GOLGA1: variants seen among roughly 807,000 people sequenced by gnomAD.
The protein encoded by GOLGA1 is golgin subfamily A member 1.
A neutral mutation model predicts 119.7 loss-of-function variants in GOLGA1; 63 were observed. The observed-to-expected ratio is 0.53, with a 90% CI of 0.43 to 0.65. GOLGA1 has a LOEUF of 0.65. Among genes scored for constraint, GOLGA1 ranks in the 30% least tolerant of loss-of-function variants. The pLI is 0.00. For missense variants in GOLGA1, 798 were observed against 912.8 expected (o/e 0.87, Z 1.62); for synonymous variants, 318 against 333.4 (o/e 0.95, Z 0.50).
intron 17 of GOLGA1, 54 bp downstream of exon 17, chr9:124,889,380 C>A: frequency 1.3e-6 from 2 of 1,594,614 alleles, no homozygotes; most frequent in Non-Finnish European, 1.7e-6. Flanking sequence ...CGTCACAAGG[C>A]AGGATGCTGG....
At chr9:124,900,282 T>C in intron 13 of GOLGA1, 170 bp downstream of exon 13, 2 of 495,864 alleles carry the variant, frequency 4.0e-6, no homozygotes. Flanking sequence ...CATTAGGTCC[T>C]GACTCCCTCC....
intron 1 of GOLGA1, chr9:124,947,583 T>A (rs973767920): frequency 5.3e-5 from 8 of 152,124 alleles, no homozygotes; most frequent in Non-Finnish European, 1.0e-4. Flanking sequence ...CCACAATGGG[T>A]ATGGGTACAT....
chr9:124,943,310 G>C (rs1337695036), upstream of GOLGA1: 1 of 152,122 alleles, frequency 6.6e-6, no homozygotes, highest in Non-Finnish European at 1.5e-5. Flanking sequence ...TTTGCTAACG[G>C]GGCTGAGTTG....
chr9:124,882,668 G>A, intron 19 of GOLGA1, 99 bp from the exon 20 acceptor site: 1 of 920,124 alleles, frequency 1.1e-6, no homozygotes, highest in Non-Finnish European at 1.7e-6. Flanking sequence ...GTACACCTGT[G>A]AGGAGCCTCT....
chr9:124,892,932 CAAAA>C (rs11464433), intron 15 of GOLGA1, among the ~76,000 whole-genome samples: 1 of 114,666 alleles, frequency 8.7e-6, no homozygotes. Flanking sequence ...AATTCCATCT[CAAAA>C]AAAAAAAAAA....
At chr9:124,899,232 A>C in intron 14 of GOLGA1, 97 bp downstream of exon 14, 2 of 1,132,152 alleles carry the variant, frequency 1.8e-6, no homozygotes, top group African/African-American at 1.6e-5. Context: ...GTGGTTTCCT[A>C]GTGCAGAGGT....
upstream of GOLGA1, chr9:124,944,666 G>A (rs2131558321): frequency 1.3e-5 from 2 of 151,926 alleles, no homozygotes; most frequent in East Asian, 3.9e-4. Context: ...CTTCTTTAAG[G>A]GTGGAAATAA....
chr9:124,886,618 AGCC>A (rs908462846), intron 19 of GOLGA1, among the ~76,000 whole-genome samples: 1 of 152,094 alleles, frequency 6.6e-6, no homozygotes, highest in African/African-American at 2.4e-5. Flanking sequence ...AAGGGGTGCA[AGCC>A]GAGGGCTTTC....
intron 12 of GOLGA1, among the ~76,000 whole-genome samples, chr9:124,904,827 A>G (rs1830188017): frequency 6.6e-6 from 1 of 152,030 alleles, no homozygotes; most frequent in African/African-American, 2.4e-5. Context: ...AATCCCAGCT[A>G]CTTGGGAGGC....
chr9:124,893,887 C>T, intron 15 of GOLGA1, among the ~76,000 whole-genome samples: 1 of 152,168 alleles, frequency 6.6e-6, no homozygotes, highest in Non-Finnish European at 1.5e-5. Flanking sequence ...CAGATGTTCT[C>T]TTATTTTGGC....
At chr9:124,882,595 A>G (rs747622252) in intron 19 of GOLGA1, 26 bp from the exon 20 acceptor site, 2 of 1,601,064 alleles carry the variant, frequency 1.2e-6, no homozygotes, top group Non-Finnish European at 1.7e-6. Context: ...CCCCACAGAA[A>G]GCCAATCGTT....
At chr9:124,917,028 G>A (rs1398814449) in intron 10 of GOLGA1, among the ~76,000 whole-genome samples, 1 of 151,774 alleles carries the variant, frequency 6.6e-6, no homozygotes, top group African/African-American at 2.4e-5. Context: ...TTTCAGGAGT[G>A]CAATGTTGAG....
At chr9:124,901,787 A>G (rs1395896113) in intron 12 of GOLGA1, among the ~76,000 whole-genome samples, 10 of 152,136 alleles carry the variant, frequency 6.6e-5, no homozygotes, top group Admixed American at 5.9e-4. Flanking sequence ...TGGCCAGGAC[A>G]CACAGTATTT....
chr9:124,947,729 A>G (rs1246128202), intron 1 of GOLGA1: 4 of 152,242 alleles, frequency 2.6e-5, no homozygotes, highest in Admixed American at 2.6e-4. Flanking sequence ...AAGAATTTCA[A>G]ATAAATAAGG....
chr9:124,899,783 G>A (rs981313356), intron 13 of GOLGA1, among the ~76,000 whole-genome samples: 1 of 152,212 alleles, frequency 6.6e-6, no homozygotes, highest in African/African-American at 2.4e-5. Flanking sequence ...CAGTGGCTGC[G>A]GCTTTCCCTG....
rs1830040255 is a variant in GOLGA1 at position 124,899,004 on chromosome 9, T to C, written c.1311+325A>G. Among the ~76,000 whole-genome samples, 6 of 152,132 alleles carry C rather than the reference T, an allele frequency of 3.9e-5. No individual in the cohort carries two copies. The South Asian group carries it at 1.2e-3, about 32-fold the overall frequency. ...TGAGCCTAGGCGTTCAAGACCAGCC[T>C]GGGCAACACAGTGAGACCTTGTCTC... On this transcript the variant is annotated intron_variant, in intron 14 of 22. Transcript: ENST00000373555.
intron 4 of GOLGA1, among the ~76,000 whole-genome samples, chr9:124,929,876 T>C (rs1241032903): frequency 6.6e-6 from 1 of 152,206 alleles, no homozygotes; most frequent in Non-Finnish European, 1.5e-5. Context: ...AAGAAGATAG[T>C]TATGGTTTAG....
At chr9:124,939,550 C>CTTTCTTTTTTTTTTT (rs1830954280) in intron 2 of GOLGA1, among the ~76,000 whole-genome samples, 4 of 81,844 alleles carry the variant, frequency 4.9e-5, no homozygotes, top group African/African-American at 1.4e-4. Context: ...TTCTTTCTTT[C>CTTTCTTTTTTTTTTT]TTTTTTTTTT....
At chr9:124,939,361 G>A (rs897508800) in intron 2 of GOLGA1, among the ~76,000 whole-genome samples, 1 of 151,958 alleles carries the variant, frequency 6.6e-6, no homozygotes, top group Admixed American at 6.6e-5. Flanking sequence ...TATGTAAAAG[G>A]TGTAATATCC....
Sources: gnomAD v4.1 joint callset for allele counts (sites outside exome capture counted in the v4.1 genomes callset) on GRCh38, gnomAD v4.1.1 for gene constraint, MANE v1.5 for transcripts, NCBI Gene and HGNC (gene_info 2026-07-23, HGNC 2026-07-21) for gene names.